The following YBEY variants were observed in gnomAD, a reference collection of about 807,000 sequenced individuals.
The protein encoded by YBEY is ybeY metalloendoribonuclease.
A neutral mutation model predicts 13.5 loss-of-function variants in YBEY; 15 were observed. The ratio of observed to expected loss-of-function variants is 1.11; its 90% CI spans 0.75 to 1.72. The LOEUF is 1.72. Among genes scored for constraint, YBEY ranks in the 40% most tolerant of loss-of-function variants. The pLI is 0.00. For synonymous variants in YBEY, 101 were observed against 83.1 expected (o/e 1.21, Z -1.17); for missense variants, 244 against 208.4 (o/e 1.17, Z -1.05).
intron 3 of YBEY, 23 bp from the exon 4 acceptor site, chr21:46,296,139 C>T: frequency 1.2e-6 from 2 of 1,613,466 alleles, no homozygotes; most frequent in Non-Finnish European, 1.7e-6. Context: ...ATCCTCTGAG[C>T]CGGTTTAAAA....
intron 4 of YBEY, 23 bp downstream of exon 4, chr21:46,296,253 T>G (rs1190072900): frequency 6.2e-7 from 1 of 1,612,620 alleles, no homozygotes; most frequent in Non-Finnish European, 8.5e-7. Context: ...TCCATCCCAC[T>G]ACCGAGGGGG....
chr21:46,306,711 C>A, the YBEY span, among the ~76,000 whole-genome samples: 1 of 152,018 alleles, frequency 6.6e-6, no homozygotes, highest in East Asian at 1.9e-4. Context: ...CCTCAGCCTC[C>A]CAAGTAGCTA....
chr21:46,300,535 A>T (rs931763722), downstream of YBEY: 6 of 604,596 alleles, frequency 9.9e-6, no homozygotes, highest in Non-Finnish European at 1.3e-5. Flanking sequence ...TAACGAGAGC[A>T]CAGAGTCTCT....
At chr21:46,304,745 T>C in the YBEY span, among the ~76,000 whole-genome samples, 1 of 152,144 alleles carries the variant, frequency 6.6e-6, no homozygotes, top group African/African-American at 2.4e-5. Flanking sequence ...GTCCTAGGCA[T>C]GCGTTCCATT....
chr21:46,288,134 G>A (rs1195431730), intron 2 of YBEY, among the ~76,000 whole-genome samples: 3 of 152,182 alleles, frequency 2.0e-5, no homozygotes, highest in African/African-American at 7.2e-5. Flanking sequence ...TTTTAAGTGG[G>A]ATTCGTTAAT....
chr21:46,291,687 C>G (rs1272188286), intron 3 of YBEY: 6 of 1,308,598 alleles, frequency 4.6e-6, no homozygotes, highest in Admixed American at 3.8e-5. Flanking sequence ...CACAGAAGCT[C>G]CCAGAGAAGC....
At chr21:46,302,299 G>C (rs547534643), downstream of YBEY, 1 of 1,353,712 alleles carries the variant, frequency 7.4e-7, no homozygotes, top group African/African-American at 1.5e-5. Context: ...CTCCTCCCCC[G>C]CCCCAAATTG....
downstream of YBEY, chr21:46,301,928 C>T (rs1174487581): frequency 3.4e-5 from 48 of 1,400,652 alleles, no homozygotes; most frequent in South Asian, 2.4e-4. Flanking sequence ...TCCATAGTCC[C>T]GCCACAGCCC....
chr21:46,303,706 A>AT, the YBEY span, among the ~76,000 whole-genome samples: 1 of 25,766 alleles, frequency 3.9e-5, no homozygotes, highest in Non-Finnish European at 8.8e-5. Flanking sequence ...ACACACACAC[A>AT]AAATATATAT....
At chr21:46,290,893 A>G (rs572108551) in intron 2 of YBEY, among the ~76,000 whole-genome samples, 4 of 151,662 alleles carry the variant, frequency 2.6e-5, no homozygotes, top group African/African-American at 9.7e-5. Context: ...TAAAAATACA[A>G]AATTAGCCGG....
chr21:46,308,747 T>C, the YBEY span, among the ~76,000 whole-genome samples: 4 of 152,184 alleles, frequency 2.6e-5, no homozygotes, highest in Non-Finnish European at 5.9e-5. Flanking sequence ...ACTTGGATCA[T>C]GAGGGCTCTG....
chr21:46,301,367 G>T (rs185168883), downstream of YBEY: 2 of 605,688 alleles, frequency 3.3e-6, no homozygotes, highest in East Asian at 1.4e-4. Context: ...GGCTGGTCTC[G>T]AATTCCTGAG....
At chr21:46,307,160 T>C in the YBEY span, among the ~76,000 whole-genome samples, 2 of 152,098 alleles carry the variant, frequency 1.3e-5, no homozygotes, top group Admixed American at 6.6e-5. Flanking sequence ...CCTCCCAAAG[T>C]GCTGGGATTA....
chr21:46,311,154 G>C, the YBEY span, among the ~76,000 whole-genome samples: 3 of 152,074 alleles, frequency 2.0e-5, no homozygotes, highest in Non-Finnish European at 4.4e-5. Flanking sequence ...ACAAGCGTGA[G>C]CCACCGAGCC....
intron 2 of YBEY, 80 bp downstream of exon 2, chr21:46,287,203 G>GT: frequency 1.5e-6 from 2 of 1,374,570 alleles, no homozygotes; most frequent in Non-Finnish European, 9.8e-7. Context: ...GTTTTGTTTT[G>GT]TTTTTTAATT....
the YBEY span, among the ~76,000 whole-genome samples, chr21:46,309,378 C>T: frequency 6.6e-6 from 1 of 150,694 alleles, no homozygotes; most frequent in Admixed American, 6.6e-5. Context: ...AGGAGAATCG[C>T]TTGAACCCGG....
At chr21:46,300,327 A>T, downstream of YBEY, 1 of 156,924 alleles carries the variant, frequency 6.4e-6, no homozygotes. Flanking sequence ...GCTACACGGG[A>T]GGCTGAGGCA....
intron 3 of YBEY, among the ~76,000 whole-genome samples, chr21:46,294,418 CTAGAT>C (rs2081868374): frequency 1.3e-5 from 1 of 77,096 alleles, no homozygotes; most frequent in Admixed American, 1.3e-4. Context: ...AAGTTAAACT[CTAGAT>C]TAAATTCCTC....
intron 3 of YBEY, among the ~76,000 whole-genome samples, chr21:46,294,067 C>CTT: frequency 2.2e-4 from 5 of 22,718 alleles, no homozygotes; most frequent in Non-Finnish European, 3.3e-4. Flanking sequence ...ATTCCTCCCG[C>CTT]GGTTAGCCTG....
Sources: allele counts gnomAD v4.1 joint callset (sites outside exome capture counted in the v4.1 genomes callset), GRCh38; gene constraint gnomAD v4.1.1; transcripts MANE v1.5; gene names NCBI Gene and HGNC (gene_info 2026-07-23, HGNC 2026-07-21).